The following FBN1 variants were observed in gnomAD, a reference collection of about 807,000 sequenced individuals.
FBN1 encodes fibrillin-1.
Under a neutral mutation model 365.1 loss-of-function variants are expected in FBN1, and 29 were observed. The ratio of observed to expected loss-of-function variants is 0.08; its 90% confidence interval spans 0.06 to 0.11. FBN1 has a LOEUF of 0.11. Among genes scored for constraint, FBN1 ranks in the 10% least tolerant of loss-of-function variants. The pLI, the probability that FBN1 is intolerant of heterozygous loss-of-function variation, is 1.00. For synonymous variants in FBN1, 1,210 were observed against 1,270.5 expected, an observed-to-expected ratio of 0.95 and a Z score of 1.01; for missense variants, 2,476 against 3,703.2, an observed-to-expected ratio of 0.67 and a Z score of 8.60.
At chr15:48,469,658 T>C (rs2043354891) in intron 36 of FBN1, among the ~76,000 whole-genome samples, 1 of 152,110 alleles carries the variant, frequency 6.6e-6, no homozygotes, top group South Asian at 2.1e-4. Context: ...CAGATGATTT[T>C]TTTGTTCAAA....
intron 6 of FBN1, among the ~76,000 whole-genome samples, chr15:48,539,918 C>T (rs2044045143): frequency 6.6e-6 from 1 of 152,074 alleles, no homozygotes; most frequent in Admixed American, 6.6e-5. Flanking sequence ...AACCTGCTAT[C>T]TTCTTCCACA....
intron 13 of FBN1, among the ~76,000 whole-genome samples, chr15:48,512,439 C>A (rs1301622036): frequency 6.6e-6 from 1 of 152,168 alleles, no homozygotes; most frequent in Non-Finnish European, 1.5e-5. Flanking sequence ...ATTAAGCCTA[C>A]TACCCATTGG....
chr15:48,621,990 T>A (rs151257788), intron 2 of FBN1, among the ~76,000 whole-genome samples: 1,843 of 147,634 alleles, frequency 0.012, 42 homozygotes, highest in African/African-American at 0.045. Flanking sequence ...AGAGCGAGAC[T>A]CTGTCTCAAA....
Position 48,505,090 on chromosome 15 carries a change from T to C in FBN1, c.1895A>G (p.Asp632Gly). Residue 632 changes from aspartate (D) to glycine (G), a missense_variant, in exon 16 of 66, where the codon GAT becomes GGT. By Grantham distance (94) the Asp-to-Gly change is moderately conservative (BLOSUM62 -1). Around this residue, in one of 5 missense-constraint regions of FBN1, gnomAD observed 1,780 missense variants for 2,840.8 expected, o/e 0.63. Transcript: ENST00000316623. The part of the protein sequence containing the change: ...ICMNGRCVNT[D>G]GSYRCECFPG... ...GAAGCATTCACATCTGTAGGAGCCATCAGTGTTGACGCAACGCCCATTCAT... is the reference window on the plus strand; with the variant it reads ...GAAGCATTCACATCTGTAGGAGCCACCAGTGTTGACGCAACGCCCATTCAT... The C allele has an allele frequency of 3.7e-6, 6 of 1,614,176 alleles. No individual in the cohort carries two copies. The highest frequency in any genetic ancestry group is 5.1e-6 in the Non-Finnish European group (6 of 1,180,010).
intron 2 of FBN1, among the ~76,000 whole-genome samples, chr15:48,631,306 G>A (rs565898501): frequency 1.6e-4 from 24 of 152,304 alleles, no homozygotes; most frequent in African/African-American, 5.5e-4. Flanking sequence ...GGAAGGGAAC[G>A]CTCAACTAGA....
intron 8 of FBN1, among the ~76,000 whole-genome samples, chr15:48,528,216 T>C (rs1218377276): frequency 1.3e-5 from 2 of 152,248 alleles, no homozygotes; most frequent in African/African-American, 4.8e-5. Flanking sequence ...CGTACATCAA[T>C]ATCTAAAAGG....
intron 32 of FBN1, among the ~76,000 whole-genome samples, chr15:48,481,124 T>C (rs2043461528): frequency 6.6e-6 from 1 of 152,186 alleles, no homozygotes; most frequent in African/African-American, 2.4e-5. Context: ...TTCATAAGAT[T>C]TGCTAAGTCC....
At chr15:48,494,291 T>C (rs1248737070) in intron 22 of FBN1, 37 bp from the exon 23 acceptor site, 13 of 1,533,704 alleles carry the variant, frequency 8.5e-6, no homozygotes, top group Non-Finnish European at 1.2e-5. Context: ...AGAAAACAAA[T>C]TTGAGATAAC....
chr15:48,617,861 C>T (rs1889687680), intron 2 of FBN1, among the ~76,000 whole-genome samples: 1 of 152,200 alleles, frequency 6.6e-6, no homozygotes, highest in South Asian at 2.1e-4. Context: ...TGCAATTTGG[C>T]CTCTTACAGC....
rs78713092 is a variant in FBN1 at position 48,418,942 on chromosome 15, C to T, written c.7819+1745G>A. Among the ~76,000 whole-genome samples the T allele has an allele frequency of 5.1e-3, 769 of 152,248 alleles. 4 individuals are homozygous for T. Among genetic ancestry groups the T allele is most frequent in the African/African-American group, 0.018 (739 of 41,534 alleles). ...GGGAAAATGGGTCAACTCTATCTAT[C>T]TGCAAGCTGAATTTTTTGAAATTTA... On this transcript the variant is annotated intron_variant, in intron 63 of 65. Coordinates refer to ENST00000316623, the MANE Select transcript of FBN1 (RefSeq NM_000138.5).
rs142858432 is a variant in FBN1, at chr15:48,468,007, C to T, written c.4678G>A (p.Ala1560Thr). ...SNEIGVGVSKASCCCSLGKAW... is the reference protein window; with the variant it reads ...SNEIGVGVSKTSCCCSLGKAW... The stretch of plus-strand genomic sequence containing the variant: ...TTACCCAGAGAACAGCAGCAGGAAG[C>T]TTTGGAAACACCAACTCCAATTTCA... Residue 1560 changes from alanine (A) to threonine (T), a missense_variant, in exon 38 of 66, where the codon GCT becomes ACT. Coordinates refer to ENST00000316623, the MANE Select transcript of FBN1 (RefSeq NM_000138.5). The T allele has an allele frequency of 6.2e-7, 1 of 1,614,180 alleles. No individual in the cohort carries two copies.
rs1267988070 is a variant in FBN1, at chr15:48,420,772, C to T, written c.7734G>A (p.Gln2578=). 1.2e-6 allele frequency: 2 copies of T among 1,613,966 alleles called. No homozygotes were observed. Among genetic ancestry groups the T allele is most frequent in the Non-Finnish European group, 1.7e-6 (2 of 1,180,002 alleles). ...VDECEGNHRC[Q]HGCQNIIGGY... ...CCCCAATGATGTTCTGGCAGCCATG[C>T]TGGCAGCGGTGGTTACCCTCACACT... Residue 2578 remains glutamine (Q), a synonymous_variant, in exon 63 of 66, where the codon CAG becomes CAA. Coordinates refer to ENST00000316623, the MANE Select transcript of FBN1 (RefSeq NM_000138.5).
chr15:48,545,172 A>G (rs1158259699), intron 6 of FBN1, among the ~76,000 whole-genome samples: 1 of 152,204 alleles, frequency 6.6e-6, no homozygotes, highest in African/African-American at 2.4e-5. Flanking sequence ...CCAATCCAAA[A>G]ACAAGATTAG....
chr15:48,581,905 C>A (rs2044395115), intron 6 of FBN1, among the ~76,000 whole-genome samples: 1 of 152,102 alleles, frequency 6.6e-6, no homozygotes, highest in African/African-American at 2.4e-5. Flanking sequence ...CCTTAGAATT[C>A]CGAGTCACAG....
chr15:48,497,949 G>C (rs891121313), intron 18 of FBN1, among the ~76,000 whole-genome samples: 17 of 152,154 alleles, frequency 1.1e-4, no homozygotes, highest in African/African-American at 4.1e-4. Context: ...TCTTCACTCT[G>C]TGTCAGGAAT....
chr15:48,481,621 T>A (rs763774298), intron 32 of FBN1, 34 bp downstream of exon 32: 2 of 1,610,970 alleles, frequency 1.2e-6, no homozygotes, highest in Non-Finnish European at 1.7e-6. Flanking sequence ...TCTTAACTAC[T>A]TAATATTTTA....
chr15:48,531,998 T>C (rs2043977418), intron 8 of FBN1, among the ~76,000 whole-genome samples: 1 of 152,250 alleles, frequency 6.6e-6, no homozygotes, highest in Admixed American at 6.5e-5. Context: ...TGGAAAATTT[T>C]TGTGTGTGGA....
chr15:48,482,477 A>G (rs944047214), intron 31 of FBN1, among the ~76,000 whole-genome samples: 2 of 152,190 alleles, frequency 1.3e-5, no homozygotes, highest in African/African-American at 4.8e-5. Flanking sequence ...TCCCTGAGAG[A>G]AAGAAAAACT....
At chr15:48,464,722 T>G (rs933826298) in intron 40 of FBN1, among the ~76,000 whole-genome samples, 3 of 152,174 alleles carry the variant, frequency 2.0e-5, no homozygotes, top group South Asian at 2.1e-4. Context: ...AAATCTATGA[T>G]AGGGTATATA....
Sources: gnomAD v4.1 joint callset for allele counts (sites outside exome capture counted in the v4.1 genomes callset) on GRCh38, gnomAD v4.1.1 for gene constraint, gnomAD v4.1.1 regional missense constraint, MANE v1.5 for transcripts, NCBI Gene and HGNC (gene_info 2026-07-23, HGNC 2026-07-21) for gene names.